The following WASF3 variants were observed in gnomAD, a reference collection of about 807,000 sequenced individuals.
WASF3 encodes the protein actin-binding protein WASF3.
Under a neutral mutation model 46.6 loss-of-function variants are expected in WASF3, and 11 were observed. The observed-to-expected ratio is 0.24, with a 90% CI of 0.15 to 0.39. WASF3 has a LOEUF of 0.39. Among genes scored for constraint, WASF3 ranks in the 10% least tolerant of loss-of-function variants. The pLI is 1.00. For missense variants in WASF3, 576 were observed against 669.8 expected (o/e 0.86, Z 1.55); for synonymous variants, 242 against 259.7 (o/e 0.93, Z 0.65).
chr13:26,547,307 TTGAC>T, the WASF3 span, among the ~76,000 whole-genome samples: 11 of 152,232 alleles, frequency 7.2e-5, no homozygotes, highest in East Asian at 1.3e-3. Flanking sequence ...TATAAATAAA[TTGAC>T]TGACAAAATT....
chr13:26,660,802 G>A (rs1374928240), intron 3 of WASF3, among the ~76,000 whole-genome samples: 1 of 152,112 alleles, frequency 6.6e-6, no homozygotes, highest in African/African-American at 2.4e-5. Context: ...GTAAAGGCTG[G>A]GTAACTTAGA....
At chr13:26,635,320 A>G (rs1049133177) in intron 2 of WASF3, among the ~76,000 whole-genome samples, 1 of 152,168 alleles carries the variant, frequency 6.6e-6, no homozygotes, top group Admixed American at 6.5e-5. Flanking sequence ...TTCTTGTGCC[A>G]TGGTTTTCAG....
At chr13:26,588,382 C>T (rs1880190342) in intron 1 of WASF3, among the ~76,000 whole-genome samples, 1 of 152,052 alleles carries the variant, frequency 6.6e-6, no homozygotes, top group Non-Finnish European at 1.5e-5. Flanking sequence ...ATGACCAGAC[C>T]AAATCAGAAC....
At chr13:26,606,312 CT>C (rs916646581) in intron 1 of WASF3, among the ~76,000 whole-genome samples, 11 of 139,256 alleles carry the variant, frequency 7.9e-5, no homozygotes, top group East Asian at 2.1e-4. Flanking sequence ...TTTCTTTTCT[CT>C]TTTTTTTCGT....
chr13:26,675,206 G>C (rs184005051), intron 6 of WASF3, among the ~76,000 whole-genome samples: 2 of 152,170 alleles, frequency 1.3e-5, no homozygotes, highest in East Asian at 3.9e-4. Flanking sequence ...TTCCCTTCTT[G>C]TTCTTTAATG....
chr13:26,654,082 C>T (rs1882397258), intron 3 of WASF3, among the ~76,000 whole-genome samples: 1 of 151,684 alleles, frequency 6.6e-6, no homozygotes. Context: ...CCTGATGTCA[C>T]TATTCCGATC....
At chr13:26,558,860 T>G (rs1879191275) in intron 1 of WASF3, among the ~76,000 whole-genome samples, 2 of 152,216 alleles carry the variant, frequency 1.3e-5, no homozygotes, top group African/African-American at 2.4e-5. Context: ...CTACTTTTTA[T>G]AAGGGGGAGA....
In WASF3 at chr13:26,688,399, G is replaced by A. The variant is rs559580063; in HGVS notation, c.*2554G>A. The A allele has an allele frequency of 3.7e-4, 56 of 152,142 alleles. No individual in the cohort carries two copies. Among genetic ancestry groups the A allele is most frequent in the African/African-American group, 1.3e-3 (52 of 41,504 alleles). The allele number at this position is 152,142 out of a possible 1,614,324, so 9.4% of individuals were successfully genotyped here. The stretch of plus-strand genomic sequence containing the variant: ...ATTGTCCCTCGTATTATTTCTCCAC[G>A]TCTGTTTTAGTTTAATGTCTCCTAA... On this transcript the variant is annotated 3_prime_UTR_variant, in exon 10 of 10. Coordinates refer to ENST00000335327, the MANE Select transcript of WASF3 (RefSeq NM_006646.6).
intron 1 of WASF3, among the ~76,000 whole-genome samples, chr13:26,579,798 A>T (rs116800357): frequency 2.0e-5 from 3 of 152,126 alleles, no homozygotes; most frequent in Non-Finnish European, 4.4e-5. Flanking sequence ...GAAATGAATG[A>T]ACTGGCAAGG....
intron 3 of WASF3, among the ~76,000 whole-genome samples, chr13:26,643,092 A>G (rs1467572426): frequency 6.6e-6 from 1 of 152,220 alleles, no homozygotes; most frequent in Admixed American, 6.5e-5. Flanking sequence ...AGAATATTTT[A>G]TAAGACTCAA....
At chr13:26,642,039 A>G (rs1053248486) in intron 2 of WASF3, 1 of 295,658 alleles carries the variant, frequency 3.4e-6, no homozygotes, top group Non-Finnish European at 6.1e-6. Flanking sequence ...TATGGAATAT[A>G]TTATTTTTCT....
intron 6 of WASF3, among the ~76,000 whole-genome samples, chr13:26,676,250 T>G (rs1883065265): frequency 6.6e-6 from 1 of 152,200 alleles, no homozygotes; most frequent in African/African-American, 2.4e-5. Context: ...AAGACCTTGT[T>G]TAGGTTTAAA....
At chr13:26,540,544 C>T in the WASF3 span, among the ~76,000 whole-genome samples, 5 of 152,314 alleles carry the variant, frequency 3.3e-5, no homozygotes, top group Admixed American at 2.6e-4. Flanking sequence ...ATGCTCTGCT[C>T]GTCTGAAGTC....
rs1373007241 is a variant in WASF3, at chr13:26,686,485, G to A, written c.*640G>A. 10 of 152,306 alleles carry A rather than the reference G, an allele frequency of 6.6e-5. No individual in the cohort carries two copies. Among genetic ancestry groups the A allele is most frequent in the Non-Finnish European group, 1.5e-4 (10 of 68,048 alleles). 9.4% of individuals were successfully genotyped at this position (152,306 alleles called of 1,614,324 possible). A position where few individuals can be genotyped will look rare whatever the true frequency, so the allele number is the denominator to read the frequency against. On this transcript the variant is annotated 3_prime_UTR_variant, in exon 10 of 10. Coordinates refer to ENST00000335327, the MANE Select transcript of WASF3 (RefSeq NM_006646.6). Reference sequence around the variant, plus strand: ...AATTGGAAGGGCCCTTTTCAGGCTGGGTTCCCTGTGGGCATTTGCTTAGTA... The same window carrying A: ...AATTGGAAGGGCCCTTTTCAGGCTGAGTTCCCTGTGGGCATTTGCTTAGTA...
At chr13:26,548,340 G>A in the WASF3 span, among the ~76,000 whole-genome samples, 4 of 152,098 alleles carry the variant, frequency 2.6e-5, no homozygotes, top group Admixed American at 6.5e-5. Context: ...CTTACTTTCC[G>A]AAGGTCAATG....
the WASF3 span, among the ~76,000 whole-genome samples, chr13:26,541,965 T>A: frequency 6.6e-6 from 1 of 151,934 alleles, no homozygotes; most frequent in Non-Finnish European, 1.5e-5. Flanking sequence ...ACCTGTTTTA[T>A]TCCCCCTTTG....
At chr13:26,674,094 G>T (rs1340910477) in intron 6 of WASF3, among the ~76,000 whole-genome samples, 2 of 152,204 alleles carry the variant, frequency 1.3e-5, no homozygotes, top group Non-Finnish European at 2.9e-5. Context: ...ATGTAGGCCA[G>T]TGTAGCTGGA....
intron 1 of WASF3, among the ~76,000 whole-genome samples, chr13:26,582,170 C>T (rs9512271): frequency 0.16 from 23,950 of 152,142 alleles, 2,379 homozygotes; most frequent in South Asian, 0.25. Context: ...AATGCAATTA[C>T]ATACGGATGG....
chr13:26,634,701 G>A (rs1177588487), intron 2 of WASF3, among the ~76,000 whole-genome samples: 1 of 152,170 alleles, frequency 6.6e-6, no homozygotes, highest in African/African-American at 2.4e-5. Context: ...AAATCTCTCA[G>A]CATTTGCTTG....
Sources: gnomAD v4.1 joint callset for allele counts (sites outside exome capture counted in the v4.1 genomes callset) on GRCh38, gnomAD v4.1.1 for gene constraint, MANE v1.5 for transcripts, NCBI Gene and HGNC (gene_info 2026-07-23, HGNC 2026-07-21) for gene names.